Variants in NDUFAF2 observed in about 807,000 individuals in gnomAD.
The protein encoded by NDUFAF2 is NADH:ubiquinone oxidoreductase complex assembly factor 2.
In NDUFAF2, 13 loss-of-function variants were observed where a neutral mutation model predicts 22.8. The observed-to-expected ratio is 0.57, with a 90% CI of 0.37 to 0.91. NDUFAF2 has a LOEUF of 0.91. NDUFAF2 is among the 40% of genes least tolerant of loss of function. The pLI, the probability that NDUFAF2 is intolerant of heterozygous loss-of-function variation, is 0.01. For missense variants in NDUFAF2, 162 were observed against 195.2 expected, an observed-to-expected ratio of 0.83 and a Z score of 1.01; for synonymous variants, 53 against 64.2, an observed-to-expected ratio of 0.83 and a Z score of 0.84.
intron 3 of NDUFAF2, among the ~76,000 whole-genome samples, chr5:61,140,372 G>A (rs927837426): frequency 2.0e-5 from 3 of 152,224 alleles, no homozygotes; most frequent in East Asian, 3.9e-4. Context: ...CCTGCTATCC[G>A]ATTTCTCTGT....
At chr5:61,109,043 G>A (rs1426322689) in intron 3 of NDUFAF2, among the ~76,000 whole-genome samples, 1 of 151,950 alleles carries the variant, frequency 6.6e-6, no homozygotes, top group Non-Finnish European at 1.5e-5. Context: ...GATTGCTTTG[G>A]GTAATATGGA....
intron 1 of NDUFAF2, among the ~76,000 whole-genome samples, chr5:60,998,421 G>A (rs940046744): frequency 6.6e-6 from 1 of 152,090 alleles, no homozygotes; most frequent in African/African-American, 2.4e-5. Context: ...AACTATAGTA[G>A]CTTGATAACC....
At chr5:61,132,312 C>G (rs1753122149) in intron 3 of NDUFAF2, among the ~76,000 whole-genome samples, 1 of 152,164 alleles carries the variant, frequency 6.6e-6, no homozygotes, top group Non-Finnish European at 1.5e-5. Context: ...AGAAAGAGGG[C>G]TTCAGCCTAG....
chr5:61,000,328 A>T (rs1751280298), intron 1 of NDUFAF2, among the ~76,000 whole-genome samples: 1 of 152,088 alleles, frequency 6.6e-6, no homozygotes, highest in South Asian at 2.1e-4. Flanking sequence ...CAGGCTTTAC[A>T]CTTAGAGAGG....
Position 61,057,988 on chromosome 5 carries a change from A to G in NDUFAF2, c.128-15137A>G, listed in dbSNP as rs77751855. On this transcript the variant is annotated intron_variant, in intron 1 of 3. Transcript: ENST00000296597. ...TGAGAACTAATGTACCACAAAATGC[A>G]ATCTGTTTATTTTTATTAAATTATT... Among the ~76,000 whole-genome samples the G allele has an allele frequency of 7.9e-3, 1,201 of 152,302 alleles. 15 individuals are homozygous for G. Among genetic ancestry groups the G allele is most frequent in the African/African-American group, 0.027 (1,125 of 41,572 alleles).
intron 3 of NDUFAF2, among the ~76,000 whole-genome samples, chr5:61,149,586 C>CT (rs374537643): frequency 2.0e-5 from 3 of 151,400 alleles, no homozygotes; most frequent in African/African-American, 4.9e-5. Context: ...ATTCAGCCAT[C>CT]TTTTTTTTAA....
intron 3 of NDUFAF2, among the ~76,000 whole-genome samples, chr5:61,107,507 T>C (rs1752782401): frequency 1.3e-5 from 2 of 151,388 alleles, no homozygotes; most frequent in South Asian, 4.1e-4. Flanking sequence ...TATGGGTAGT[T>C]TGCAAATATG....
intron 1 of NDUFAF2, among the ~76,000 whole-genome samples, chr5:60,966,968 A>G (rs555490579): frequency 4.6e-5 from 7 of 152,202 alleles, no homozygotes; most frequent in South Asian, 2.1e-4. Flanking sequence ...AATTCTTCCA[A>G]TGCATGAAAC....
chr5:61,134,203 G>A (rs1324608184), intron 3 of NDUFAF2, among the ~76,000 whole-genome samples: 4 of 152,050 alleles, frequency 2.6e-5, no homozygotes, highest in South Asian at 4.2e-4. Flanking sequence ...TGTAAGGGTG[G>A]AGAAAGAGAT....
chr5:60,945,521 C>T (rs979981426), intron 1 of NDUFAF2, 139 bp downstream of exon 1: 2 of 1,293,692 alleles, frequency 1.5e-6, no homozygotes, highest in African/African-American at 1.5e-5. Context: ...CGAGTTCGTT[C>T]TCCCCTGTCG....
Position 61,136,005 on chromosome 5 carries a change from T to TTATATATATATATATATA in NDUFAF2, c.259-16679_259-16662dup, listed in dbSNP as rs57756292. ...TTGGTCCCTACATCTAAGCCTGTCT[T>TTATATATATATATATATA]TATATATATATATATATATATATAT... On this transcript the variant is annotated intron_variant, in intron 3 of 3. Coordinates refer to ENST00000296597, the MANE Select transcript of NDUFAF2 (RefSeq NM_174889.5). Among the ~76,000 whole-genome samples the TTATATATATATATATATA allele has an allele frequency of 4.0e-3, 383 of 95,858 alleles. 12 individuals are homozygous for TTATATATATATATATATA. Among genetic ancestry groups the TTATATATATATATATATA allele is most frequent in the Non-Finnish European group, 5.2e-3 (257 of 49,736 alleles). 62.9% of individuals were successfully genotyped at this position (95,858 alleles called of 152,430 possible).
intron 1 of NDUFAF2, among the ~76,000 whole-genome samples, chr5:61,039,861 T>G (rs1751849265): frequency 6.6e-6 from 1 of 152,164 alleles, no homozygotes; most frequent in African/African-American, 2.4e-5. Flanking sequence ...TTTATTTTAT[T>G]TTTAATAGTT....
At chr5:61,025,839 T>C (rs1344843578) in intron 1 of NDUFAF2, among the ~76,000 whole-genome samples, 2 of 152,026 alleles carry the variant, frequency 1.3e-5, no homozygotes, top group African/African-American at 4.8e-5. Context: ...AAAAAATAAG[T>C]CTCTTGGGGT....
At chr5:60,983,834 T>A (rs1481117476) in intron 1 of NDUFAF2, among the ~76,000 whole-genome samples, 1 of 152,158 alleles carries the variant, frequency 6.6e-6, no homozygotes, top group Non-Finnish European at 1.5e-5. Flanking sequence ...TCAGGTAGCA[T>A]GATGCCTCCA....
chr5:61,028,051 T>C (rs190079356), intron 1 of NDUFAF2, among the ~76,000 whole-genome samples: 8 of 152,068 alleles, frequency 5.3e-5, no homozygotes, highest in East Asian at 3.9e-4. Context: ...GTATATAATA[T>C]GATGTCAAGT....
intron 1 of NDUFAF2, among the ~76,000 whole-genome samples, chr5:61,034,294 G>T (rs1188812046): frequency 6.6e-6 from 1 of 152,072 alleles, no homozygotes; most frequent in African/African-American, 2.4e-5. Context: ...TTAATGATGG[G>T]GATAAATTCT....
chr5:60,976,288 G>C (rs1183135002), intron 1 of NDUFAF2, among the ~76,000 whole-genome samples: 3 of 142,068 alleles, frequency 2.1e-5, no homozygotes, highest in African/African-American at 7.7e-5. Flanking sequence ...AGTAGACTTT[G>C]ATTAGAATGT....
chr5:61,066,058 T>C (rs1440336541), intron 1 of NDUFAF2, among the ~76,000 whole-genome samples: 1 of 152,026 alleles, frequency 6.6e-6, no homozygotes, highest in East Asian at 1.9e-4. Flanking sequence ...ATTAGCATTT[T>C]AATACACAAC....
chr5:60,973,934 G>T (rs1750868217), intron 1 of NDUFAF2, among the ~76,000 whole-genome samples: 1 of 152,178 alleles, frequency 6.6e-6, no homozygotes, highest in Non-Finnish European at 1.5e-5. Flanking sequence ...CTCCTGAGTA[G>T]CTGTGACTAC....
Sources: allele counts gnomAD v4.1 joint callset (sites outside exome capture counted in the v4.1 genomes callset), GRCh38; gene constraint gnomAD v4.1.1; transcripts MANE v1.5; gene names NCBI Gene and HGNC (gene_info 2026-07-23, HGNC 2026-07-21).